Variants in NTN1 observed in about 807,000 individuals in gnomAD.
NTN1 encodes the protein netrin-1.
Under a neutral mutation model 54.2 loss-of-function variants are expected in NTN1, and 11 were observed. The ratio of observed to expected loss-of-function variants is 0.20; its 90% confidence interval spans 0.13 to 0.34. The LOEUF (loss-of-function observed/expected upper bound fraction) is 0.34, where lower values mean the gene tolerates loss of function less well. Among genes scored for constraint, NTN1 ranks in the 10% least tolerant of loss-of-function variants. The probability of loss-of-function intolerance (pLI) is 1.00; values close to 1 mark genes in which losing one functional copy is unlikely to be tolerated. For missense variants in NTN1, 740 were observed against 893.1 expected (o/e 0.83, Z 2.18); for synonymous variants, 371 against 382.0 (o/e 0.97, Z 0.33).
chr17:9,214,041 T>C (rs1905166058), intron 5 of NTN1, among the ~76,000 whole-genome samples: 1 of 152,174 alleles, frequency 6.6e-6, no homozygotes, highest in Non-Finnish European at 1.5e-5. Context: ...TTTGGGCTTT[T>C]CAAAGAATCA....
At chr17:9,231,649 G>A (rs1905818809) in intron 6 of NTN1, among the ~76,000 whole-genome samples, 1 of 150,192 alleles carries the variant, frequency 6.7e-6, no homozygotes, top group African/African-American at 2.4e-5. Flanking sequence ...GCTCGCTGGA[G>A]GTGGCACCTT....
chr17:9,181,008 A>G (rs550674982), intron 4 of NTN1, among the ~76,000 whole-genome samples: 3 of 152,248 alleles, frequency 2.0e-5, no homozygotes, highest in African/African-American at 7.2e-5. Flanking sequence ...CCCGTCAGGG[A>G]ATTAGGAGTT....
chr17:9,153,586 A>G (rs1401836469), intron 2 of NTN1, among the ~76,000 whole-genome samples: 1 of 152,222 alleles, frequency 6.6e-6, no homozygotes, highest in Non-Finnish European at 1.5e-5. Flanking sequence ...TGCTTGAATT[A>G]AAAACCACAG....
At chr17:9,052,545 C>G (rs1170602964) in intron 2 of NTN1, among the ~76,000 whole-genome samples, 1 of 152,212 alleles carries the variant, frequency 6.6e-6, no homozygotes, top group African/African-American at 2.4e-5. Context: ...AAAACCTTAA[C>G]ATCTACCAAT....
chr17:9,032,931 C>T (rs868624011), intron 2 of NTN1, among the ~76,000 whole-genome samples: 4 of 149,560 alleles, frequency 2.7e-5, no homozygotes, highest in Non-Finnish European at 5.9e-5. Context: ...GAAACTGCTT[C>T]TTGCTCCAAT....
chr17:9,174,719 A>G (rs2092395536), intron 3 of NTN1: 1 of 152,230 alleles, frequency 6.6e-6, no homozygotes, highest in African/African-American at 2.4e-5. Context: ...TAAAGCCCCT[A>G]TGTCCAAATA....
Position 9,224,747 on chromosome 17 carries a change from A to C in NTN1, c.1486+3505A>C, listed in dbSNP as rs912328310. Among the ~76,000 whole-genome samples the C allele has an allele frequency of 2.0e-5, 3 of 150,812 alleles. No individual in the cohort carries two copies. In the East Asian group the frequency reaches 5.8e-4, roughly 29 times the overall value. ...CACCCATGGCCCAGGCGCGTCACCC[A>C]GCTGTCCACATTTCTGCTGCAAGAC... is the stretch of plus-strand genomic sequence containing the variant. On this transcript the variant is annotated intron_variant, in intron 6 of 6. Coordinates refer to ENST00000173229, the MANE Select transcript of NTN1 (RefSeq NM_004822.3).
At chr17:9,227,092 T>C (rs1265466683) in intron 6 of NTN1, among the ~76,000 whole-genome samples, 1 of 152,080 alleles carries the variant, frequency 6.6e-6, no homozygotes, top group African/African-American at 2.4e-5. Flanking sequence ...GAAGCTCCAC[T>C]GTTCCATCCT....
chr17:9,023,519 G>A (rs75549599), intron 2 of NTN1, 128 bp downstream of exon 2: 3 of 1,169,516 alleles, frequency 2.6e-6, no homozygotes, highest in Non-Finnish European at 3.3e-6. Flanking sequence ...GCCGATGCCC[G>A]GGACCCGGGA....
intron 5 of NTN1, among the ~76,000 whole-genome samples, chr17:9,184,032 C>T (rs2092426401): frequency 1.3e-5 from 2 of 152,138 alleles, no homozygotes; most frequent in Non-Finnish European, 2.9e-5. Flanking sequence ...TCTTTGCCTC[C>T]CCCAGAAAGG....
intron 5 of NTN1, among the ~76,000 whole-genome samples, chr17:9,205,938 G>A (rs969074807): frequency 1.8e-4 from 28 of 152,218 alleles, no homozygotes; most frequent in African/African-American, 6.8e-4. Context: ...GAGCTTGGCA[G>A]GTGTAGACTC....
At chr17:9,069,425 T>C (rs1254118503) in intron 2 of NTN1, among the ~76,000 whole-genome samples, 1 of 152,260 alleles carries the variant, frequency 6.6e-6, no homozygotes, top group Non-Finnish European at 1.5e-5. Flanking sequence ...GAACATTTTC[T>C]CATTTCGTAT....
intron 1 of NTN1, 95 bp from the exon 2 acceptor site, chr17:9,022,216 A>C: frequency 1.2e-6 from 1 of 826,932 alleles, no homozygotes; most frequent in Non-Finnish European, 1.6e-6. Flanking sequence ...GGTGCCCAGG[A>C]AGCCGGGCGT....
Position 9,103,888 on chromosome 17 carries a change from C to T in NTN1, c.1019-58925C>T, listed in dbSNP as rs187926792. Reference sequence around the variant, plus strand: ...ATCACCTGAGGTCAGGAGTTCAAGACCAGCCTGACCAACTTGGCGAAACTC... The same window carrying T: ...ATCACCTGAGGTCAGGAGTTCAAGATCAGCCTGACCAACTTGGCGAAACTC... On this transcript the variant is annotated intron_variant, in intron 2 of 6. Coordinates refer to ENST00000173229, the MANE Select transcript of NTN1 (RefSeq NM_004822.3). 1.6e-4 allele frequency among the ~76,000 whole-genome samples: 25 copies of T among 151,916 alleles called. No individual in the cohort carries two copies. In the East Asian group the frequency reaches 4.7e-3, roughly 28 times the overall value.
chr17:9,046,573 G>A (rs1463141352), intron 2 of NTN1, among the ~76,000 whole-genome samples: 1 of 152,152 alleles, frequency 6.6e-6, no homozygotes, highest in African/African-American at 2.4e-5. Flanking sequence ...GATTGCTTGA[G>A]CCCAGGAGTT....
chr17:9,029,426 G>A (rs909453403), intron 2 of NTN1, among the ~76,000 whole-genome samples: 3 of 152,132 alleles, frequency 2.0e-5, no homozygotes, highest in Non-Finnish European at 2.9e-5. Context: ...AGAGCAGGGG[G>A]TATCAGGAGC....
intron 6 of NTN1, among the ~76,000 whole-genome samples, chr17:9,233,093 AC>A (rs1380338652): frequency 6.6e-6 from 1 of 151,780 alleles, no homozygotes; most frequent in Non-Finnish European, 1.5e-5. Context: ...GAGGCTGACC[AC>A]CTCAGCCTCC....
intron 2 of NTN1, among the ~76,000 whole-genome samples, chr17:9,133,285 G>A (rs2092271258): frequency 6.6e-6 from 1 of 152,230 alleles, no homozygotes; most frequent in South Asian, 2.1e-4. Context: ...TTCCGGAGAG[G>A]TAGTTTGGCT....
chr17:9,146,835 C>T (rs1290866534), intron 2 of NTN1, among the ~76,000 whole-genome samples: 7 of 152,118 alleles, frequency 4.6e-5, no homozygotes, highest in Admixed American at 3.9e-4. Context: ...TCAGAGCCAG[C>T]GAGGCACTGG....
Sources: gnomAD v4.1 joint callset for allele counts (sites outside exome capture counted in the v4.1 genomes callset) on GRCh38, gnomAD v4.1.1 for gene constraint, MANE v1.5 for transcripts, NCBI Gene and HGNC (gene_info 2026-07-23, HGNC 2026-07-21) for gene names.